The following CSTPP1 variants were observed in gnomAD, a reference collection of about 807,000 sequenced individuals.
CSTPP1 encodes UPF0705 protein C11orf49.
At chr11:47,137,247 G>A in the CSTPP1 span, 6 of 1,284,434 alleles carry the variant, frequency 4.7e-6, no homozygotes, top group Non-Finnish European at 5.1e-6. Flanking sequence ...TGGGCATGTG[G>A]TGGGAAACGT....
the CSTPP1 span, chr11:46,948,150 C>T: frequency 6.6e-6 from 3 of 456,264 alleles, no homozygotes; most frequent in Non-Finnish European, 1.3e-5. Flanking sequence ...GCCCCAAAGT[C>T]CTGCAAATTG....
At chr11:46,990,676 T>C in the CSTPP1 span, among the ~76,000 whole-genome samples, 1 of 152,174 alleles carries the variant, frequency 6.6e-6, no homozygotes, top group East Asian at 1.9e-4. Context: ...CAATTGCTTT[T>C]GGGGACTTGG....
the CSTPP1 span, among the ~76,000 whole-genome samples, chr11:47,081,120 G>A: frequency 2.0e-5 from 3 of 151,796 alleles, no homozygotes; most frequent in Non-Finnish European, 4.4e-5. Flanking sequence ...GGAAAGGCAT[G>A]GTATGTTCTT....
chr11:47,086,460 G>A, the CSTPP1 span, among the ~76,000 whole-genome samples: 1 of 151,406 alleles, frequency 6.6e-6, no homozygotes, highest in African/African-American at 2.4e-5. Flanking sequence ...ATCACCATAA[G>A]CTTACCAGAA....
chr11:47,153,038 G>A, the CSTPP1 span, among the ~76,000 whole-genome samples: 1 of 152,174 alleles, frequency 6.6e-6, no homozygotes, highest in African/African-American at 2.4e-5. Flanking sequence ...CGCTCCCGGG[G>A]GAGCTCACTC....
At chr11:47,098,360 G>A in the CSTPP1 span, among the ~76,000 whole-genome samples, 1 of 151,282 alleles carries the variant, frequency 6.6e-6, no homozygotes, top group Non-Finnish European at 1.5e-5. Context: ...AAATAAAGCA[G>A]GGAGCTCCTT....
At chr11:47,042,635 G>A in the CSTPP1 span, among the ~76,000 whole-genome samples, 1 of 151,616 alleles carries the variant, frequency 6.6e-6, no homozygotes, top group African/African-American at 2.4e-5. Flanking sequence ...AAATCTTCAA[G>A]GAAAAACTTC....
the CSTPP1 span, chr11:47,160,050 C>G: frequency 4.5e-6 from 1 of 224,488 alleles, no homozygotes; most frequent in Non-Finnish European, 8.9e-6. Context: ...ACCTGTAATC[C>G]CAGCATTTGG....
chr11:47,030,238 G>A, the CSTPP1 span, among the ~76,000 whole-genome samples: 1 of 152,150 alleles, frequency 6.6e-6, no homozygotes, highest in Non-Finnish European at 1.5e-5. Flanking sequence ...AAGAAAAAAA[G>A]GAGACAGGAG....
At chr11:47,117,877 C>CTTTTTTTTTTTT in the CSTPP1 span, among the ~76,000 whole-genome samples, 10 of 66,344 alleles carry the variant, frequency 1.5e-4, no homozygotes, top group Non-Finnish European at 1.9e-4. Context: ...TATTTCTTTT[C>CTTTTTTTTTTTT]TTTTTTTTTT....
chr11:47,159,606 A>T, the CSTPP1 span: 2 of 456,084 alleles, frequency 4.4e-6, no homozygotes, highest in African/African-American at 4.0e-5. Context: ...ACTCCTCGTT[A>T]TGACCACTCT....
At chr11:46,937,736 A>G in the CSTPP1 span, among the ~76,000 whole-genome samples, 1 of 152,002 alleles carries the variant, frequency 6.6e-6, no homozygotes, top group Admixed American at 6.6e-5. Flanking sequence ...ACGGGGTTTC[A>G]CCGTGTTAAC....
chr11:47,070,474 G>A, the CSTPP1 span, among the ~76,000 whole-genome samples: 14 of 152,032 alleles, frequency 9.2e-5, 1 homozygote, highest in Admixed American at 5.9e-4. Flanking sequence ...AAACGTACTC[G>A]ACCACAGCCA....
the CSTPP1 span, among the ~76,000 whole-genome samples, chr11:47,029,235 T>C: frequency 6.6e-6 from 1 of 152,104 alleles, no homozygotes; most frequent in South Asian, 2.1e-4. Context: ...CCAAAAGTCT[T>C]CTCCTCCCAG....
At chr11:46,937,537 TAC>T in the CSTPP1 span, among the ~76,000 whole-genome samples, 6 of 152,044 alleles carry the variant, frequency 3.9e-5, no homozygotes, top group South Asian at 2.1e-4. Context: ...CATAGATATG[TAC>T]ACACACACAC....
chr11:47,115,850 C>T, the CSTPP1 span, among the ~76,000 whole-genome samples: 1 of 151,180 alleles, frequency 6.6e-6, no homozygotes, highest in Non-Finnish European at 1.5e-5. Context: ...TATTTCTTGC[C>T]TTCTGCTAGC....
At chr11:47,000,142 C>T in the CSTPP1 span, among the ~76,000 whole-genome samples, 1 of 152,154 alleles carries the variant, frequency 6.6e-6, no homozygotes, top group Non-Finnish European at 1.5e-5. Context: ...AGAGGTGCTA[C>T]TCTAAGAATA....
chr11:47,044,040 G>A, the CSTPP1 span, among the ~76,000 whole-genome samples: 5 of 152,164 alleles, frequency 3.3e-5, no homozygotes, highest in Non-Finnish European at 5.9e-5. Context: ...AGGCTGGAGT[G>A]TAGTGGCGTG....
the CSTPP1 span, among the ~76,000 whole-genome samples, chr11:47,122,091 A>AAAAAAAAAAAAAACT: frequency 3.1e-5 from 1 of 31,836 alleles, no homozygotes; most frequent in Non-Finnish European, 6.4e-5. Flanking sequence ...AAAAAAAAAA[A>AAAAAAAAAAAAAACT]ATATATATAT....
Sources: allele counts gnomAD v4.1 joint callset (sites outside exome capture counted in the v4.1 genomes callset), GRCh38; gene constraint gnomAD v4.1.1; transcripts MANE v1.5; gene names NCBI Gene and HGNC (gene_info 2026-07-23, HGNC 2026-07-21).